C2CD3: variants seen among roughly 807,000 people sequenced by gnomAD.
C2CD3 encodes C2 domain containing 3 centriole elongation regulator.
C2CD3 carries 148 observed loss-of-function variants against 234.0 expected under a neutral mutation model. The ratio of observed to expected loss-of-function variants is 0.63; its 90% CI spans 0.55 to 0.72. The LOEUF is 0.72. Among genes scored for constraint, C2CD3 ranks in the 30% least tolerant of loss-of-function variants. The probability of loss-of-function intolerance (pLI) is 0.00; values close to 1 mark genes in which losing one functional copy is unlikely to be tolerated. For missense variants in C2CD3, 2,577 were observed against 2,811.5 expected, an observed-to-expected ratio of 0.92 and a Z score of 1.89; for synonymous variants, 1,000 against 1,035.4, an observed-to-expected ratio of 0.97 and a Z score of 0.66.
At chr11:74,070,240 C>T (rs187157928) in intron 24 of C2CD3, among the ~76,000 whole-genome samples, 1 of 152,290 alleles carries the variant, frequency 6.6e-6, no homozygotes, top group Non-Finnish European at 1.5e-5. Context: ...CATAAGTATC[C>T]AAGAAGTTCT....
At chr11:74,035,284 A>C (rs1340312966) in intron 30 of C2CD3, among the ~76,000 whole-genome samples, 1 of 152,230 alleles carries the variant, frequency 6.6e-6, no homozygotes, top group Admixed American at 6.5e-5. Context: ...ATGGGGAAGC[A>C]TGTTTAGTTA....
chr11:74,145,843 C>T (rs1194189719), intron 3 of C2CD3, among the ~76,000 whole-genome samples: 1 of 152,174 alleles, frequency 6.6e-6, no homozygotes, highest in Non-Finnish European at 1.5e-5. Context: ...AAACTCCCAA[C>T]CTTCTCTTTG....
At chr11:74,146,594 G>A (rs533112140) in intron 3 of C2CD3, among the ~76,000 whole-genome samples, 2 of 152,186 alleles carry the variant, frequency 1.3e-5, no homozygotes, top group South Asian at 4.2e-4. Flanking sequence ...AATGGTCTTT[G>A]TTGACAATAA....
chr11:74,164,318 CT>C, intron 2 of C2CD3: 1 of 837,216 alleles, frequency 1.2e-6, no homozygotes, highest in Non-Finnish European at 1.4e-6. Flanking sequence ...TAGTTCCATG[CT>C]CCAAACATTT....
At chr11:74,138,359 A>G (rs1957936592) in intron 5 of C2CD3, among the ~76,000 whole-genome samples, 1 of 152,236 alleles carries the variant, frequency 6.6e-6, no homozygotes, top group Non-Finnish European at 1.5e-5. Context: ...ACTAGTCTCC[A>G]TACAGTGGGA....
At chr11:74,076,517 A>G (rs1273652945) in intron 23 of C2CD3, among the ~76,000 whole-genome samples, 3 of 152,112 alleles carry the variant, frequency 2.0e-5, no homozygotes, top group African/African-American at 7.2e-5. Context: ...AAAGCTATAC[A>G]CTCCTCTTGT....
At chr11:74,152,830 A>C (rs2135559394) in intron 3 of C2CD3, among the ~76,000 whole-genome samples, 1 of 152,354 alleles carries the variant, frequency 6.6e-6, no homozygotes, top group African/African-American at 2.4e-5. Flanking sequence ...TTCAATACCC[A>C]TGATAAAATC....
intron 27 of C2CD3, among the ~76,000 whole-genome samples, chr11:74,048,971 A>C (rs1275684921): frequency 6.6e-6 from 1 of 152,198 alleles, no homozygotes; most frequent in Non-Finnish European, 1.5e-5. Context: ...TCTTTCAATT[A>C]TTTTTTTAAA....
chr11:74,055,741 A>G (rs826042), intron 25 of C2CD3, among the ~76,000 whole-genome samples: 18,320 of 152,230 alleles, frequency 0.12, 3,493 homozygotes, highest in African/African-American at 0.41. Context: ...GAAGATCAAA[A>G]GAAACAATTT....
intron 32 of C2CD3, among the ~76,000 whole-genome samples, chr11:74,022,706 A>T (rs1354173846): frequency 1.3e-5 from 2 of 152,238 alleles, no homozygotes; most frequent in African/African-American, 2.4e-5. Flanking sequence ...ATCACAAAAA[A>T]CTTTTAACAA....
At chr11:74,070,976 CATTAGCAAAAAA>C (rs1406606566) in intron 24 of C2CD3, 3 of 152,170 alleles carry the variant, frequency 2.0e-5, no homozygotes, top group African/African-American at 7.2e-5. Flanking sequence ...CTGACCACCC[CATTAGCAAAAAA>C]ATGCCCTCTG....
intron 24 of C2CD3, among the ~76,000 whole-genome samples, chr11:74,061,294 C>T (rs1020346869): frequency 1.3e-5 from 2 of 152,112 alleles, no homozygotes; most frequent in Non-Finnish European, 1.5e-5. Context: ...AGATACTCCT[C>T]GAGAAGAGCA....
intron 23 of C2CD3, 151 bp downstream of exon 23, chr11:74,077,964 C>CA (rs1305101825): frequency 1.1e-6 from 1 of 909,132 alleles, no homozygotes; most frequent in South Asian, 1.9e-5. Flanking sequence ...CTCTGAGCCT[C>CA]CTTTTTTATG....
At chr11:74,138,057 G>A (rs1346402328) in intron 5 of C2CD3, among the ~76,000 whole-genome samples, 1 of 152,126 alleles carries the variant, frequency 6.6e-6, no homozygotes, top group East Asian at 1.9e-4. Context: ...TTTACTTGTA[G>A]GGATGTAGAC....
chr11:74,090,326 C>T (rs1158052910), intron 20 of C2CD3, among the ~76,000 whole-genome samples: 1 of 152,144 alleles, frequency 6.6e-6, no homozygotes, highest in East Asian at 1.9e-4. Flanking sequence ...GTCAGGAGTT[C>T]GAGATCAGCC....
At chr11:74,036,499 C>T (rs886717877) in intron 30 of C2CD3, 3 of 455,902 alleles carry the variant, frequency 6.6e-6, no homozygotes, top group African/African-American at 6.0e-5. Context: ...AAGAAGAAGA[C>T]AGAAAGAAGG....
intron 20 of C2CD3, among the ~76,000 whole-genome samples, chr11:74,089,371 C>T (rs1192645479): frequency 6.6e-6 from 1 of 151,994 alleles, no homozygotes; most frequent in Non-Finnish European, 1.5e-5. Context: ...AAAACAAAAC[C>T]CAAAACCAAC....
chr11:74,066,278 A>C (rs1385634886), intron 24 of C2CD3, among the ~76,000 whole-genome samples: 74 of 2,152 alleles, frequency 0.034, no homozygotes, highest in Non-Finnish European at 0.049. Context: ...GGGGGGAGGG[A>C]TAGTGTTAGG....
intron 26 of C2CD3, among the ~76,000 whole-genome samples, chr11:74,052,112 A>C (rs768813192): frequency 1.3e-5 from 2 of 152,202 alleles, no homozygotes; most frequent in Non-Finnish European, 2.9e-5. Flanking sequence ...AAGGGGAGAG[A>C]GACATCTACA....
Sources: gnomAD v4.1 joint callset for allele counts (sites outside exome capture counted in the v4.1 genomes callset) on GRCh38, gnomAD v4.1.1 for gene constraint, MANE v1.5 for transcripts, NCBI Gene and HGNC (gene_info 2026-07-23, HGNC 2026-07-21) for gene names.